MUC4: variants seen among roughly 807,000 people sequenced by gnomAD.
MUC4 encodes the protein mucin-4.
A neutral mutation model predicts 257.9 loss-of-function variants in MUC4; 202 were observed. That is an observed-to-expected ratio of 0.78 (90% confidence interval 0.70 to 0.88). The LOEUF is 0.88. Ranked by LOEUF, MUC4 falls within the 40% of genes least tolerant of loss-of-function variation. MUC4 has a pLI of 0.00. For missense variants in MUC4, 5,976 were observed against 6,513.7 expected, an observed-to-expected ratio of 0.92 and a Z score of 2.84; for synonymous variants, 2,351 against 2,757.1, an observed-to-expected ratio of 0.85 and a Z score of 4.62.
Position 195,748,910 on chromosome 3 carries a change from G to T in MUC4, c.16026C>A (p.Pro5342=). 1 of 1,580,388 alleles carries T rather than the reference G, an allele frequency of 6.3e-7. No homozygotes were observed. The highest frequency in any genetic ancestry group is 8.6e-7 in the Non-Finnish European group (1 of 1,164,226). The part of the protein sequence containing the change: ...GGQCQHLPSG[P]RCSCVSFSIY... ...GCCACAGCCCTATGCACCTGCAGCG[G>T]GGCCCACTGGGCAGGTGCTGGCACT... is the stretch of plus-strand genomic sequence containing the variant. Residue 5342 remains proline (P), a synonymous_variant, in exon 24 of 25, where the codon CCC becomes CCA. Coordinates refer to ENST00000463781, the MANE Select transcript of MUC4 (RefSeq NM_018406.7).
intron 18 of MUC4, among the ~76,000 whole-genome samples, chr3:195,754,822 GTATCCA>G (rs1717235279): frequency 2.0e-5 from 3 of 151,684 alleles, no homozygotes. Flanking sequence ...ATCCATGTGT[GTATCCA>G]TGTGTGTATG....
chr3:195,769,323 G>A (rs889296395), intron 6 of MUC4, 171 bp from the exon 7 acceptor site: 3 of 971,882 alleles, frequency 3.1e-6, no homozygotes, highest in African/African-American at 3.3e-5. Context: ...GGGTCAGTGA[G>A]GGCAGCTTTC....
Position 195,788,890 on chromosome 3 carries a change from G to A in MUC4, c.2690C>T (p.Ser897Phe). The A allele has an allele frequency of 6.2e-7, 1 of 1,613,756 alleles. No homozygotes were observed. Among genetic ancestry groups the A allele is most frequent in the South Asian group, 1.1e-5 (1 of 91,056 alleles). Reference protein sequence around the residue: ...GQSSPTSPSASPQETAAISRM... With the variant: ...GQSSPTSPSAFPQETAAISRM... ...GGAAATGGCGGCTGTCTCCTGAGGAGAGGCACTGGGAGAAGTTGGGCTTGA... is the reference window on the plus strand; with the variant it reads ...GGAAATGGCGGCTGTCTCCTGAGGAAAGGCACTGGGAGAAGTTGGGCTTGA... The change falls in exon 2 of 25, where the codon TCT (serine) becomes TTT (phenylalanine). Residue 897 changes from serine (S) to phenylalanine (F), a missense_variant. Around this residue, in one of 44 missense-constraint regions of MUC4, gnomAD observed 1,583 missense variants for 1,257.4 expected, o/e 1.26. Coordinates refer to ENST00000463781, the MANE Select transcript of MUC4 (RefSeq NM_018406.7).
Position 195,778,819 on chromosome 3 carries a change from G to C in MUC4, c.12761C>G (p.Ser4254Trp), listed in dbSNP as rs757340628. The C allele has an allele frequency of 6.2e-7, 1 of 1,612,182 alleles. No homozygotes were observed. Among genetic ancestry groups the C allele is most frequent in the Non-Finnish European group, 8.5e-7 (1 of 1,179,434 alleles). ...TGTTTCCATCTTCAGAGGGGAGTCC[G>C]AGGATACTGTGGAAGCTGAGGTAGC... ...SSATSASTVS[S>W]DSPLKMETPG... Residue 4254 changes from serine (S) to tryptophan (W), a missense_variant, in exon 2 of 25, where the codon TCG becomes TGG. By Grantham distance (177) the Ser-to-Trp change is radical. Coordinates refer to ENST00000463781, the MANE Select transcript of MUC4 (RefSeq NM_018406.7).
rs1553889795 is a variant in MUC4 at position 195,799,260 on chromosome 3, T to TGTGTGTGTGTGTGTGAGA, written c.83-7764_83-7763insTCTCACACACACACACAC. 7.1e-3 allele frequency among the ~76,000 whole-genome samples: 1,058 copies of TGTGTGTGTGTGTGTGAGA among 149,216 alleles called. 6 individuals carry two copies. Among genetic ancestry groups the TGTGTGTGTGTGTGTGAGA allele is most frequent in the Non-Finnish European group, 0.01 (680 of 67,400 alleles). On this transcript the variant is annotated intron_variant, in intron 1 of 24. Coordinates refer to ENST00000463781, the MANE Select transcript of MUC4 (RefSeq NM_018406.7). ...GTGTGTGTGTGTGTGTGTGTGTGTG[T>TGTGTGTGTGTGTGTGAGA]GACACTGTGTGTGTGTGTCCCTGCC...
At position 195,780,149 on chromosome 3, in the gene MUC4, C is replaced by T. The variant is rs201940326; in HGVS notation, c.11431G>A (p.Val3811Ile). 3 of 1,402,086 alleles carry T rather than the reference C, an allele frequency of 2.1e-6. No homozygotes were observed. 86.9% of individuals were successfully genotyped at this position (1,402,086 alleles called of 1,614,324 possible). ...ASTGQATPLP[V>I]TSLSSVSTGD... ...GTGGATACTGAGGAAAGGCTGGTGA[C>T]AGGAAGAGGGGTGGCCTGACCTGTG... The change falls in exon 2 of 25, where the codon GTC (valine) becomes ATC (isoleucine). Residue 3811 changes from valine (V) to isoleucine (I), a missense_variant. Transcript: ENST00000463781.
intron 24 of MUC4, 71 bp downstream of exon 24, chr3:195,748,831 C>T: frequency 6.8e-7 from 1 of 1,464,266 alleles, no homozygotes; most frequent in Non-Finnish European, 9.0e-7. Flanking sequence ...ATTCCTGGAC[C>T]CCTTGCAGTG....
intron 1 of MUC4, among the ~76,000 whole-genome samples, chr3:195,807,809 A>G (rs1386326038): frequency 6.6e-6 from 1 of 152,268 alleles, no homozygotes; most frequent in East Asian, 1.9e-4. Context: ...CAAAAGGCCA[A>G]CCACTTCTTG....
chr3:195,754,258 C>T lies in MUC4; in HGVS notation c.15283G>A (p.Glu5095Lys), dbSNP rs144662307. The T allele has an allele frequency of 8.7e-6, 14 of 1,614,030 alleles. No homozygotes were observed. The highest frequency in any genetic ancestry group is 4.4e-5 in the South Asian group (4 of 91,044). The change falls in exon 19 of 25, where the codon GAG (glutamate) becomes AAG (lysine). Residue 5095 changes from glutamate (E) to lysine (K), a missense_variant. Glu to Lys is a moderately conservative substitution (Grantham distance 56). Coordinates refer to ENST00000463781, the MANE Select transcript of MUC4 (RefSeq NM_018406.7). ...SVHCVPGKGC[E>K]ACPPNLTGDG... The stretch of plus-strand genomic sequence containing the variant: ...CCAGTCAGGTTTGGAGGGCAGGCCT[C>T]GCAGCCCTTCCCAGGAACGCAGTGG...
Position 195,762,721 on chromosome 3 carries a change from C to CACGCGCCCGGCCCTGCACCACA in MUC4, c.14344+112_14344+133dup, listed in dbSNP as rs1380296122. 19 of 640,100 alleles carry CACGCGCCCGGCCCTGCACCACA rather than the reference C, an allele frequency of 3.0e-5. 1 individual carries two copies. In the Admixed American group the frequency reaches 5.9e-4, roughly 20 times the overall value. The allele number at this position is 640,100 out of a possible 1,614,324, so 39.7% of individuals were successfully genotyped here. A position where few individuals can be genotyped will look rare whatever the true frequency, so the allele number is the denominator to read the frequency against. ...CGCAAAGCACTCGGCGCGGCACCGC[C>CACGCGCCCGGCCCTGCACCACA]ACGCGCCCGGCCCTGCACCACAACG... On this transcript the variant is annotated intron_variant, in intron 13 of 24. Transcript: ENST00000463781.
In MUC4 at chr3:195,786,255, G is replaced by A. The variant is rs62282488; in HGVS notation, c.5325C>T (p.Thr1775=). 233,284 of 1,459,322 alleles carry A rather than the reference G, an allele frequency of 0.16. 22,965 individuals are homozygous for A. Among genetic ancestry groups the A allele is most frequent in the Non-Finnish European group, 0.18 (194,098 of 1,078,166 alleles). 90.4% of individuals were successfully genotyped at this position (1,459,322 alleles called of 1,614,324 possible). Reference sequence around the variant, plus strand: ...AAGAAAGGCCGGTGACAGGAAGTGGGGTGGCGTGAGCTGTGGATACTGAGG... The same window carrying A: ...AAGAAAGGCCGGTGACAGGAAGTGGAGTGGCGTGAGCTGTGGATACTGAGG... ...DTSSVSTAHA[T]PLPVTGLSSA... is the part of the protein sequence containing the mutation. The change falls in exon 2 of 25, where the codon ACC becomes ACT. Residue 1775 remains threonine (T), a synonymous_variant. Coordinates refer to ENST00000463781, the MANE Select transcript of MUC4 (RefSeq NM_018406.7).
At chr3:195,772,294 T>C (rs1308048596) in intron 4 of MUC4, among the ~76,000 whole-genome samples, 1 of 149,340 alleles carries the variant, frequency 6.7e-6, no homozygotes, top group African/African-American at 2.5e-5. Flanking sequence ...CCCATCTCCA[T>C]CACTTAGGGG....
chr3:195,788,737 G>T lies in MUC4; in HGVS notation c.2843C>A (p.Thr948Lys). Residue 948 changes from threonine to lysine, a missense_variant, in exon 2 of 25, where the codon ACA becomes AAA. This residue lies in a region of MUC4 where 1,583 missense variants were observed against 1,257.4 expected (regional missense o/e 1.26). Coordinates refer to ENST00000463781, the MANE Select transcript of MUC4 (RefSeq NM_018406.7). ...TPPSITSTGL[T>K]SPQTETHTLS... is the part of the protein sequence containing the mutation. ...AGTGTGGGTCTCGGTTTGTGGAGAT[G>T]TAAGCCCAGTGGATGTGATCGATGG... 6.2e-7 allele frequency: 1 copy of T among 1,612,214 alleles called. No individual in the cohort carries two copies. Among genetic ancestry groups the T allele is most frequent in the Non-Finnish European group, 8.5e-7 (1 of 1,179,410 alleles).
At chr3:195,748,842 T>C (rs1334428017) in intron 24 of MUC4, 60 bp downstream of exon 24, 45 of 1,485,094 alleles carry the variant, frequency 3.0e-5, no homozygotes, top group Non-Finnish European at 3.7e-5. Context: ...CCTTGCAGTG[T>C]CTTGCCCAGC....
chr3:195,789,628 G>T lies in MUC4; in HGVS notation c.1952C>A (p.Thr651Asn). 1 of 1,614,002 alleles carries T rather than the reference G, an allele frequency of 6.2e-7. No individual in the cohort carries two copies. The highest frequency in any genetic ancestry group is 2.2e-5 in the East Asian group (1 of 44,886). ...QAPQTTQESQ[T>N]TRSVSPMTDT... Reference sequence around the variant, plus strand: ...AGTCATGGGGGAGACGGACCTCGTGGTTTGTGATTCTTGTGTGGTCTGCGG... The same window carrying T: ...AGTCATGGGGGAGACGGACCTCGTGTTTTGTGATTCTTGTGTGGTCTGCGG... Residue 651 changes from threonine (T) to asparagine (N), a missense_variant, in exon 2 of 25, where the codon ACC becomes AAC. Coordinates refer to ENST00000463781, the MANE Select transcript of MUC4 (RefSeq NM_018406.7).
At chr3:195,759,046 G>A in intron 17 of MUC4, 78 bp downstream of exon 17, 2 of 1,550,252 alleles carry the variant, frequency 1.3e-6, no homozygotes, top group Non-Finnish European at 1.8e-6. Context: ...GTGTAGCAAT[G>A]CAGAATTTCC....
At chr3:195,771,145 C>T (rs1399471622) in intron 5 of MUC4, among the ~76,000 whole-genome samples, 11 of 122,758 alleles carry the variant, frequency 9.0e-5, no homozygotes, top group Admixed American at 2.6e-4. Flanking sequence ...AGTCTCGCGG[C>T]CGGGTTGGGG....
In MUC4 at chr3:195,789,347, C is replaced by G. The variant is rs774673215; in HGVS notation, c.2233G>C (p.Val745Leu). The G allele has an allele frequency of 2.0e-5, 32 of 1,613,814 alleles. No individual in the cohort carries two copies. Among genetic ancestry groups the G allele is most frequent in the Non-Finnish European group, 2.5e-5 (30 of 1,179,892 alleles). Residue 745 changes from valine to leucine, a missense_variant, in exon 2 of 25, where the codon GTG (valine) becomes CTG (leucine). Around this residue, in one of 44 missense-constraint regions of MUC4, gnomAD observed 1,583 missense variants for 1,257.4 expected, o/e 1.26. Transcript: ENST00000463781. Reference sequence around the variant, plus strand: ...CCTTCTGGGCCCCCTGGTGTTGACACTACAGAGTTGGCCAGAGTAAGGGCA... The same window carrying G: ...CCTTCTGGGCCCCCTGGTGTTGACAGTACAGAGTTGGCCAGAGTAAGGGCA... ...TGALTLANSV[V>L]STPGGPEGQW...
At chr3:195,754,118 A>G in intron 19 of MUC4, 95 bp downstream of exon 19, 1 of 1,440,698 alleles carries the variant, frequency 6.9e-7, no homozygotes, top group East Asian at 2.5e-5. Context: ...GATCTGCTGG[A>G]AAAAGGAGAG....
Sources: allele counts gnomAD v4.1 joint callset (sites outside exome capture counted in the v4.1 genomes callset), GRCh38; gene constraint gnomAD v4.1.1; regional missense constraint gnomAD v4.1.1; transcripts MANE v1.5; gene names NCBI Gene and HGNC (gene_info 2026-07-23, HGNC 2026-07-21).